NT5DC1: variants seen among roughly 807,000 people sequenced by gnomAD.
The protein encoded by NT5DC1 is 5'-nucleotidase domain-containing protein 1.
Under a neutral mutation model 59.4 loss-of-function variants are expected in NT5DC1, and 42 were observed. That is an observed-to-expected ratio of 0.71 (90% CI 0.55 to 0.92). The LOEUF is 0.92. Ranked by LOEUF, NT5DC1 falls within the 40% of genes least tolerant of loss-of-function variation. NT5DC1 has a pLI of 0.00. For missense variants in NT5DC1, 501 were observed against 537.1 expected, an observed-to-expected ratio of 0.93 and a Z score of 0.66; for synonymous variants, 172 against 188.1, an observed-to-expected ratio of 0.91 and a Z score of 0.70.
At position 116,113,622 on chromosome 6, in the gene NT5DC1, G is replaced by A. The variant is rs117763238; in HGVS notation, c.365-2069G>A. On this transcript the variant is annotated intron_variant, in intron 4 of 11. Transcript: ENST00000319550. ...AACAAGCCCTTGTGTCCACACAGCG[G>A]ACATTCAGCCCAAGTTCAACAGTCA... is the stretch of plus-strand genomic sequence containing the variant. Among the ~76,000 whole-genome samples the A allele has an allele frequency of 4.8e-3, 727 of 152,288 alleles. 3 individuals are homozygous for A. Among genetic ancestry groups the A allele is most frequent in the Middle Eastern group, 0.014 (4 of 294 alleles).
intron 6 of NT5DC1, among the ~76,000 whole-genome samples, chr6:116,178,078 T>C (rs1387354627): frequency 3.6e-5 from 4 of 111,310 alleles, no homozygotes; most frequent in African/African-American, 1.7e-4. Flanking sequence ...TGTGTGTGTG[T>C]GTGTGTGTGT....
intron 6 of NT5DC1, among the ~76,000 whole-genome samples, chr6:116,214,847 A>T (rs1236625463): frequency 6.6e-6 from 1 of 151,986 alleles, no homozygotes; most frequent in African/African-American, 2.4e-5. Context: ...ATCTGGCTGG[A>T]CATCACCATG....
intron 6 of NT5DC1, among the ~76,000 whole-genome samples, chr6:116,186,858 CT>C (rs1216633183): frequency 6.6e-6 from 1 of 151,948 alleles, no homozygotes; most frequent in Non-Finnish European, 1.5e-5. Context: ...CTTCTAAATT[CT>C]TTTTCTGGCA....
At chr6:116,119,311 C>T (rs1779034490) in intron 6 of NT5DC1, 1 of 152,478 alleles carries the variant, frequency 6.6e-6, no homozygotes, top group Non-Finnish European at 1.5e-5. Flanking sequence ...ATTAATCACA[C>T]TTGTGTTAAC....
At chr6:116,169,783 G>A (rs1780564890) in intron 6 of NT5DC1, among the ~76,000 whole-genome samples, 1 of 152,164 alleles carries the variant, frequency 6.6e-6, no homozygotes, top group Non-Finnish European at 1.5e-5. Flanking sequence ...GAGTTCAGAG[G>A]ATTATCAATA....
At chr6:116,111,588 T>C (rs1778876772) in intron 4 of NT5DC1, among the ~76,000 whole-genome samples, 1 of 152,224 alleles carries the variant, frequency 6.6e-6, no homozygotes, top group African/African-American at 2.4e-5. Flanking sequence ...TTGTTCCAAT[T>C]TTTTTGACCA....
At position 116,121,489 on chromosome 6, in the gene NT5DC1, AC is replaced by A. The variant is rs773630614; in HGVS notation, c.529+3547del. Reference sequence around the variant, plus strand: ...CAGGAGGGCCAGATGGTCCTGTGGGACCCTGAGGGCCTGGAAGACCCCTCTC... The same window carrying A: ...CAGGAGGGCCAGATGGTCCTGTGGGACCTGAGGGCCTGGAAGACCCCTCTC... On this transcript the variant is annotated intron_variant, in intron 6 of 11. Coordinates refer to ENST00000319550, the MANE Select transcript of NT5DC1 (RefSeq NM_152729.3). 3 of 1,613,578 alleles carry A rather than the reference AC, an allele frequency of 1.9e-6. No homozygotes were observed. The South Asian group carries it at 3.3e-5, about 18-fold the overall frequency.
chr6:116,177,496 T>G (rs574212952), intron 6 of NT5DC1, among the ~76,000 whole-genome samples: 1 of 152,282 alleles, frequency 6.6e-6, no homozygotes, highest in South Asian at 2.1e-4. Flanking sequence ...GATATAAATT[T>G]TCTACTTAAA....
chr6:116,115,169 CTG>C (rs1210429181), intron 4 of NT5DC1, among the ~76,000 whole-genome samples: 1 of 152,224 alleles, frequency 6.6e-6, no homozygotes, highest in African/African-American at 2.4e-5. Flanking sequence ...TTTAAGCACA[CTG>C]TGTCTTCACA....
chr6:116,180,554 G>A (rs1780853243), intron 6 of NT5DC1, among the ~76,000 whole-genome samples: 1 of 152,036 alleles, frequency 6.6e-6, no homozygotes, highest in Non-Finnish European at 1.5e-5. Flanking sequence ...TTATCACAAA[G>A]AAAGAAACAT....
intron 10 of NT5DC1, 26 bp from the exon 11 acceptor site, chr6:116,238,929 T>G: frequency 1.4e-6 from 2 of 1,427,104 alleles, no homozygotes; most frequent in Non-Finnish European, 2.0e-6. Context: ...AATCACCATT[T>G]TAATTATTCT....
At chr6:116,135,106 A>G (rs1215322612) in intron 6 of NT5DC1, among the ~76,000 whole-genome samples, 2 of 152,184 alleles carry the variant, frequency 1.3e-5, no homozygotes, top group African/African-American at 2.4e-5. Flanking sequence ...AAAATATATT[A>G]TATGCCAGGA....
intron 6 of NT5DC1, among the ~76,000 whole-genome samples, chr6:116,214,845 G>C (rs1781659824): frequency 6.6e-6 from 1 of 151,960 alleles, no homozygotes; most frequent in Non-Finnish European, 1.5e-5. Context: ...TTATCTGGCT[G>C]GACATCACCA....
At position 116,117,648 on chromosome 6, in the gene NT5DC1, C is replaced by T. The variant is rs535415050; in HGVS notation, c.445-213C>T. The stretch of plus-strand genomic sequence containing the variant: ...AATAGCTCATGTAATTTATTGAATA[C>T]TGTACTGAAAGTGAAAAACAATTGT... On this transcript the variant is annotated intron_variant, in intron 5 of 11. Coordinates refer to ENST00000319550, the MANE Select transcript of NT5DC1 (RefSeq NM_152729.3). Among the ~76,000 whole-genome samples the T allele has an allele frequency of 1.4e-3, 213 of 152,192 alleles. 1 individual carries two copies. The highest frequency in any genetic ancestry group is 2.7e-3 in the Non-Finnish European group (183 of 68,002).
At chr6:116,207,544 A>T (rs1446816887) in intron 6 of NT5DC1, among the ~76,000 whole-genome samples, 1 of 152,066 alleles carries the variant, frequency 6.6e-6, no homozygotes, top group South Asian at 2.1e-4. Flanking sequence ...TTTGAAAAGT[A>T]TATATGATTG....
Position 116,164,325 on chromosome 6 carries a change from T to G in NT5DC1, c.529+46380T>G, listed in dbSNP as rs534097513. Among the ~76,000 whole-genome samples the G allele has an allele frequency of 2.6e-3, 402 of 152,286 alleles. 1 individual carries two copies. Among genetic ancestry groups the G allele is most frequent in the South Asian group, 4.4e-3 (21 of 4,826 alleles). ...AAATCTTCTTATTGAGTTGAAGTCTTTATCATGTATCATACCCTTCTTTGT... is the reference window on the plus strand; with the variant it reads ...AAATCTTCTTATTGAGTTGAAGTCTGTATCATGTATCATACCCTTCTTTGT... On this transcript the variant is annotated intron_variant, in intron 6 of 11. Coordinates refer to ENST00000319550, the MANE Select transcript of NT5DC1 (RefSeq NM_152729.3).
At chr6:116,242,206 T>TA (rs1200023654) in intron 11 of NT5DC1, among the ~76,000 whole-genome samples, 11 of 149,756 alleles carry the variant, frequency 7.3e-5, no homozygotes, top group African/African-American at 2.7e-4. Flanking sequence ...CCATCTCTAC[T>TA]AAAAAATACA....
intron 6 of NT5DC1, chr6:116,137,487 C>T (rs1440503125): frequency 5.2e-6 from 1 of 192,052 alleles, no homozygotes; most frequent in Non-Finnish European, 1.1e-5. Context: ...GCCATTGAGC[C>T]TCTCAGCTGG....
Position 116,160,107 on chromosome 6 carries a change from T to C in NT5DC1, c.529+42162T>C, listed in dbSNP as rs74924189. Among the ~76,000 whole-genome samples, 866 of 152,312 alleles carry C rather than the reference T, an allele frequency of 5.7e-3. 17 individuals carry two copies. The highest frequency in any genetic ancestry group is 0.046 in the South Asian group (223 of 4,828). The stretch of plus-strand genomic sequence containing the variant: ...ACAGGTATCTTTTTGATAAAATGAT[T>C]TATTTTCCTTTATGTATATACATAG... On this transcript the variant is annotated intron_variant, in intron 6 of 11. Coordinates refer to ENST00000319550, the MANE Select transcript of NT5DC1 (RefSeq NM_152729.3).
Sources: allele counts gnomAD v4.1 joint callset (sites outside exome capture counted in the v4.1 genomes callset), GRCh38; gene constraint gnomAD v4.1.1; transcripts MANE v1.5; gene names NCBI Gene and HGNC (gene_info 2026-07-23, HGNC 2026-07-21).